Variants in LDLRAD4 observed in about 807,000 individuals in gnomAD.
The protein encoded by LDLRAD4 is low-density lipoprotein receptor class A domain-containing protein 4.
LDLRAD4 carries 5 observed loss-of-function variants against 17.0 expected under a neutral mutation model. That is an observed-to-expected ratio of 0.29 (90% CI 0.15 to 0.62). The LOEUF is 0.62. Ranked by LOEUF, LDLRAD4 falls within the 20% of genes least tolerant of loss-of-function variation. The probability of loss-of-function intolerance (pLI) is 0.84; values close to 1 mark genes in which losing one functional copy is unlikely to be tolerated. For synonymous variants in LDLRAD4, 168 were observed against 171.8 expected (o/e 0.98, Z 0.17); for missense variants, 340 against 424.7 (o/e 0.80, Z 1.75).
At chr18:13,555,691 A>G (rs187768184) in intron 3 of LDLRAD4, among the ~76,000 whole-genome samples, 185 of 152,356 alleles carry the variant, frequency 1.2e-3, no homozygotes, top group African/African-American at 3.9e-3. Context: ...TACATGGTCT[A>G]TCTCATTAAG....
intron 1 of LDLRAD4, among the ~76,000 whole-genome samples, chr18:13,299,778 G>C (rs2046476023): frequency 6.6e-6 from 1 of 152,130 alleles, no homozygotes; most frequent in African/African-American, 2.4e-5. Context: ...GGAGGTTGAG[G>C]CTGCAGTGAG....
At chr18:13,447,263 A>C (rs1888491080) in intron 3 of LDLRAD4, among the ~76,000 whole-genome samples, 1 of 152,178 alleles carries the variant, frequency 6.6e-6, no homozygotes, top group Non-Finnish European at 1.5e-5. Context: ...ATCAAGTTGC[A>C]GGGGCTGTCA....
At chr18:13,241,787 A>T (rs1257193469) in intron 1 of LDLRAD4, 2 of 152,264 alleles carry the variant, frequency 1.3e-5, no homozygotes, top group Non-Finnish European at 2.9e-5. Flanking sequence ...TTTCACAGGG[A>T]CATGCGTGAA....
At chr18:13,244,017 A>G (rs980914225) in intron 1 of LDLRAD4, among the ~76,000 whole-genome samples, 93 of 103,536 alleles carry the variant, frequency 9.0e-4, no homozygotes, top group African/African-American at 3.4e-3. Context: ...ACATCCATCT[A>G]TCCATTTACC....
intron 3 of LDLRAD4, among the ~76,000 whole-genome samples, chr18:13,477,967 G>C (rs1029929286): frequency 6.6e-6 from 1 of 152,190 alleles, no homozygotes; most frequent in African/African-American, 2.4e-5. Flanking sequence ...GATACCAAAG[G>C]CAGGTGCTTT....
In LDLRAD4 at chr18:13,321,899, A is replaced by AAAAG. The variant is rs1568004980; in HGVS notation, c.-383+43715_-383+43718dup. Among the ~76,000 whole-genome samples, 17 of 117,422 alleles carry AAAAG rather than the reference A, an allele frequency of 1.4e-4. 1 individual carries two copies. Among genetic ancestry groups the AAAAG allele is most frequent in the African/African-American group, 4.6e-4 (13 of 28,250 alleles). 77.0% of individuals were successfully genotyped at this position (117,422 alleles called of 152,430 possible). On this transcript the variant is annotated intron_variant, in intron 1 of 5. Coordinates refer to ENST00000359446, the Ensembl canonical transcript of LDLRAD4. ...AAAAAAAAAAAAAAAAAAAAAAAAA[A>AAAAG]AAAGAAAAGAAAAAGAATAAAAAGA...
At chr18:13,296,256 T>C (rs2046269339) in intron 1 of LDLRAD4, among the ~76,000 whole-genome samples, 1 of 152,230 alleles carries the variant, frequency 6.6e-6, no homozygotes, top group Admixed American at 6.5e-5. Flanking sequence ...CTGTATAAGC[T>C]TGTGAGATGT....
At position 13,610,285 on chromosome 18, in the gene LDLRAD4, T is replaced by C. The variant is rs1447989165; in HGVS notation, c.182-10832T>C. 5.3e-4 allele frequency among the ~76,000 whole-genome samples: 32 copies of C among 60,482 alleles called. 1 individual carries two copies. Among genetic ancestry groups the C allele is most frequent in the South Asian group, 4.8e-3 (7 of 1,444 alleles). The allele number at this position is 60,482 out of a possible 152,430, so 39.7% of individuals were successfully genotyped here. A position where few individuals can be genotyped will look rare whatever the true frequency, so the allele number is the denominator to read the frequency against. ...CCCTAATTTTTTTTTTTTTTTTTTT[T>C]TTTTTTTTTTTTTTTTTTTTGAGAC... On this transcript the variant is annotated intron_variant, in intron 3 of 5. Transcript: ENST00000359446.
At chr18:13,457,159 A>G (rs2092181125) in intron 3 of LDLRAD4, among the ~76,000 whole-genome samples, 2 of 152,196 alleles carry the variant, frequency 1.3e-5, no homozygotes, top group Admixed American at 1.3e-4. Context: ...GGCCTCAGGA[A>G]TTTCTGACCG....
intron 3 of LDLRAD4, among the ~76,000 whole-genome samples, chr18:13,465,501 G>C (rs548634525): frequency 7.9e-5 from 12 of 152,242 alleles, no homozygotes; most frequent in Non-Finnish European, 1.6e-4. Flanking sequence ...CATACGAAAG[G>C]CTGCATGTGT....
At chr18:13,331,571 G>A (rs979886837) in intron 1 of LDLRAD4, among the ~76,000 whole-genome samples, 8 of 152,178 alleles carry the variant, frequency 5.3e-5, no homozygotes, top group African/African-American at 1.4e-4. Context: ...TCCGAGTTTT[G>A]CATCTGGTGT....
At chr18:13,285,915 T>C (rs1451072200) in intron 1 of LDLRAD4, among the ~76,000 whole-genome samples, 2 of 152,240 alleles carry the variant, frequency 1.3e-5, no homozygotes, top group Non-Finnish European at 2.9e-5. Context: ...TCTGTGTTGC[T>C]GGAAAAAATG....
chr18:13,429,975 T>C (rs2090217113), intron 2 of LDLRAD4, among the ~76,000 whole-genome samples: 1 of 151,882 alleles, frequency 6.6e-6, no homozygotes, highest in Admixed American at 6.6e-5. Flanking sequence ...GGGTCCTGGG[T>C]CTCGGGGCGG....
chr18:13,284,989 A>T (rs1337943625), intron 1 of LDLRAD4, among the ~76,000 whole-genome samples: 1 of 152,142 alleles, frequency 6.6e-6, no homozygotes, highest in African/African-American at 2.4e-5. Flanking sequence ...TCTCAAGCCG[A>T]TGTGAGACGA....
intron 1 of LDLRAD4, among the ~76,000 whole-genome samples, chr18:13,385,182 G>A (rs1305979886): frequency 6.6e-6 from 1 of 152,170 alleles, no homozygotes; most frequent in Non-Finnish European, 1.5e-5. Flanking sequence ...CATTCTAATG[G>A]GTGTGAGGTG....
Position 13,424,993 on chromosome 18 carries a change from T to A in LDLRAD4, c.41-13251T>A, listed in dbSNP as rs920939440. ...GACATTTATCATCCAGAGATAACAG[T>A]TTGCTTAATAGAATAAACTTTCATT... On this transcript the variant is annotated intron_variant, in intron 2 of 5. Transcript: ENST00000359446. Among the ~76,000 whole-genome samples, 7 of 152,150 alleles carry A rather than the reference T, an allele frequency of 4.6e-5. 1 individual carries two copies. The highest frequency in any genetic ancestry group is 1.0e-4 in the Non-Finnish European group (7 of 68,030).
At chr18:13,631,078 G>A (rs149419248) in intron 4 of LDLRAD4, among the ~76,000 whole-genome samples, 46 of 152,332 alleles carry the variant, frequency 3.0e-4, no homozygotes, top group African/African-American at 8.9e-4. Context: ...ACACGTGGAC[G>A]CATGGCAGCA....
intron 1 of LDLRAD4, among the ~76,000 whole-genome samples, chr18:13,324,858 G>A (rs79860212): frequency 0.03 from 4,572 of 152,310 alleles, 174 homozygotes; most frequent in African/African-American, 0.09. Flanking sequence ...AGAGGTAGGT[G>A]GTGAGGTGAG....
In LDLRAD4 at chr18:13,357,413, G is replaced by GA. The variant is rs750833469; in HGVS notation, c.-382-29916dup. ...TGTTGTAATGGATGGTTGGATGCAG[G>GA]AAAAAAAAAAAAGGAAGTTTATTTG... On this transcript the variant is annotated intron_variant, in intron 1 of 5. Transcript: ENST00000359446. 4.8e-3 allele frequency among the ~76,000 whole-genome samples: 686 copies of GA among 141,798 alleles called. 1 individual carries two copies. The highest frequency in any genetic ancestry group is 0.012 in the African/African-American group (456 of 38,820). 93.0% of individuals were successfully genotyped at this position (141,798 alleles called of 152,430 possible).
Sources: gnomAD v4.1 joint callset for allele counts (sites outside exome capture counted in the v4.1 genomes callset) on GRCh38, gnomAD v4.1.1 for gene constraint, MANE v1.5 for transcripts, NCBI Gene and HGNC (gene_info 2026-07-23, HGNC 2026-07-21) for gene names.